Variants in DNAJC1 observed in about 807,000 individuals in gnomAD.
DNAJC1 encodes dnaJ homolog subfamily C member 1.
In DNAJC1, 58 loss-of-function variants were observed where a neutral mutation model predicts 76.6. The ratio of observed to expected loss-of-function variants is 0.76; its 90% CI spans 0.61 to 0.94. The LOEUF is 0.94. DNAJC1 is among the 40% of genes least tolerant of loss of function. The probability of loss-of-function intolerance (pLI) is 0.00; values close to 1 mark genes in which losing one functional copy is unlikely to be tolerated. For missense variants in DNAJC1, 689 were observed against 677.3 expected (o/e 1.02, Z -0.19); for synonymous variants, 258 against 267.9 (o/e 0.96, Z 0.36).
chr10:21,769,552 TAGA>T (rs762244556), intron 9 of DNAJC1, among the ~76,000 whole-genome samples: 1 of 152,254 alleles, frequency 6.6e-6, no homozygotes, highest in Non-Finnish European at 1.5e-5. Flanking sequence ...TTTCATTTTA[TAGA>T]AGAAGAAACA....
At chr10:21,957,382 T>C (rs1346754936) in intron 1 of DNAJC1, among the ~76,000 whole-genome samples, 1 of 152,220 alleles carries the variant, frequency 6.6e-6, no homozygotes, top group African/African-American at 2.4e-5. Context: ...TATTTGTTTT[T>C]ACTGCTGTAA....
rs374955734 is a variant in DNAJC1, at chr10:21,939,943, CA to C, written c.223-10803del. 5.1e-3 allele frequency among the ~76,000 whole-genome samples: 360 copies of C among 70,380 alleles called. 1 individual carries two copies. The highest frequency in any genetic ancestry group is 0.012 in the African/African-American group (206 of 16,834). The allele number at this position is 70,380 out of a possible 152,430, so 46.2% of individuals were successfully genotyped here. A position where few individuals can be genotyped will look rare whatever the true frequency, so the allele number is the denominator to read the frequency against. On this transcript the variant is annotated intron_variant, in intron 1 of 11. Coordinates refer to ENST00000376980, the MANE Select transcript of DNAJC1 (RefSeq NM_022365.4). ...TTCTCACCCCACCCCAAACCTCTCTCAAAAAAAAAAAAAAAAAAAAGCAGCA... is the reference window on the plus strand; with the variant it reads ...TTCTCACCCCACCCCAAACCTCTCTCAAAAAAAAAAAAAAAAAAAGCAGCA...
chr10:21,783,628 A>G (rs1340342146), intron 9 of DNAJC1, among the ~76,000 whole-genome samples: 1 of 152,248 alleles, frequency 6.6e-6, no homozygotes, highest in African/African-American at 2.4e-5. Flanking sequence ...AGCTGGAGGC[A>G]TCACACTACC....
At chr10:21,792,426 T>C (rs1267405868) in intron 9 of DNAJC1, among the ~76,000 whole-genome samples, 1 of 152,168 alleles carries the variant, frequency 6.6e-6, no homozygotes, top group African/African-American at 2.4e-5. Context: ...TATAGACCAT[T>C]CGCTCTCATG....
chr10:21,896,837 C>A (rs1836552212), intron 7 of DNAJC1, among the ~76,000 whole-genome samples: 1 of 151,976 alleles, frequency 6.6e-6, no homozygotes. Context: ...AGGAAAAGGC[C>A]ACTGGGAGGT....
chr10:21,897,435 A>C (rs1220864043), intron 7 of DNAJC1, among the ~76,000 whole-genome samples: 1 of 152,186 alleles, frequency 6.6e-6, no homozygotes, highest in African/African-American at 2.4e-5. Flanking sequence ...CTAGGAATAG[A>C]GGGAAACTTT....
chr10:21,804,028 G>A (rs1834851802), intron 9 of DNAJC1: 1 of 933,088 alleles, frequency 1.1e-6, no homozygotes, highest in South Asian at 4.9e-5. Flanking sequence ...ATTTGCAAAA[G>A]TTTAAAAAGA....
intron 8 of DNAJC1, among the ~76,000 whole-genome samples, chr10:21,839,643 T>C (rs1157672088): frequency 1.3e-5 from 2 of 152,058 alleles, no homozygotes; most frequent in Non-Finnish European, 1.5e-5. Flanking sequence ...CAGGACTAGA[T>C]GGATTCACAG....
At chr10:21,868,076 CA>C (rs775127374) in intron 8 of DNAJC1, among the ~76,000 whole-genome samples, 113 of 21,224 alleles carry the variant, frequency 5.3e-3, no homozygotes, top group Admixed American at 0.014. Context: ...ATTCTGTCTC[CA>C]AAAAAAAAAA....
Position 21,759,162 on chromosome 10 carries a change from T to A in DNAJC1, c.1596+8A>T. The A allele has an allele frequency of 6.2e-7, 1 of 1,609,196 alleles. No individual in the cohort carries two copies. Among genetic ancestry groups the A allele is most frequent in the Non-Finnish European group, 8.5e-7 (1 of 1,177,316 alleles). ...ACCTGTGCAGAGGCCTCTTTCCCCATCACTCACCTTGCTCTTGGACGGGAC... is the reference window on the plus strand; with the variant it reads ...ACCTGTGCAGAGGCCTCTTTCCCCAACACTCACCTTGCTCTTGGACGGGAC... On this transcript the variant is annotated splice_region_variant and intron_variant, in intron 11 of 11. Coordinates refer to ENST00000376980, the MANE Select transcript of DNAJC1 (RefSeq NM_022365.4).
At chr10:21,809,837 C>A (rs933108946) in intron 8 of DNAJC1, among the ~76,000 whole-genome samples, 1 of 151,996 alleles carries the variant, frequency 6.6e-6, no homozygotes, top group African/African-American at 2.4e-5. Flanking sequence ...AACTAAATAA[C>A]CTCAAATGTC....
intron 9 of DNAJC1, among the ~76,000 whole-genome samples, chr10:21,780,470 C>T (rs1394855858): frequency 1.3e-5 from 2 of 152,228 alleles, no homozygotes; most frequent in South Asian, 2.1e-4. Flanking sequence ...AATTTTCAAC[C>T]CAGAATTTCA....
chr10:21,903,607 T>C (rs181243993), intron 7 of DNAJC1, among the ~76,000 whole-genome samples: 8 of 152,260 alleles, frequency 5.3e-5, no homozygotes, highest in Admixed American at 5.2e-4. Flanking sequence ...TTACTGAACA[T>C]TTATTATGTG....
chr10:21,815,669 C>G (rs914400271), intron 8 of DNAJC1, among the ~76,000 whole-genome samples: 3 of 151,922 alleles, frequency 2.0e-5, no homozygotes, highest in Non-Finnish European at 4.4e-5. Context: ...ATCTATTTCT[C>G]TATTTTTTTA....
At chr10:21,872,708 A>T (rs558366784) in intron 8 of DNAJC1, among the ~76,000 whole-genome samples, 1 of 152,336 alleles carries the variant, frequency 6.6e-6, no homozygotes, top group African/African-American at 2.4e-5. Flanking sequence ...GAACAATGGA[A>T]GTGCCAGAAG....
In DNAJC1 at chr10:21,826,500, T is replaced by C. The variant is rs113291720; in HGVS notation, c.979-20401A>G. ...GTATCCTTTGATATACAAAAGTTTTTAATTTTGATGAAATCTAAGTTATCT... is the reference window on the plus strand; with the variant it reads ...GTATCCTTTGATATACAAAAGTTTTCAATTTTGATGAAATCTAAGTTATCT... On this transcript the variant is annotated intron_variant, in intron 8 of 11. Coordinates refer to ENST00000376980, the MANE Select transcript of DNAJC1 (RefSeq NM_022365.4). 1.1e-3 allele frequency among the ~76,000 whole-genome samples: 169 copies of C among 152,310 alleles called. 1 individual carries two copies. The highest frequency in any genetic ancestry group is 3.6e-3 in the African/African-American group (151 of 41,576).
At chr10:21,788,456 C>T (rs1468652956) in intron 9 of DNAJC1, among the ~76,000 whole-genome samples, 1 of 152,164 alleles carries the variant, frequency 6.6e-6, no homozygotes, top group Non-Finnish European at 1.5e-5. Context: ...CTCAGACACC[C>T]TACCCTACAG....
At chr10:21,973,556 C>A (rs988807886) in intron 1 of DNAJC1, among the ~76,000 whole-genome samples, 13 of 152,186 alleles carry the variant, frequency 8.5e-5, no homozygotes, top group Admixed American at 3.9e-4. Flanking sequence ...TGAAATGAAT[C>A]TAAATTGCTG....
intron 1 of DNAJC1, among the ~76,000 whole-genome samples, chr10:21,937,378 A>G (rs1837325944): frequency 1.3e-5 from 2 of 152,178 alleles, no homozygotes; most frequent in Admixed American, 6.5e-5. Flanking sequence ...GACAAAGGAC[A>G]TTATTTAACG....
Sources: gnomAD v4.1 joint callset for allele counts (sites outside exome capture counted in the v4.1 genomes callset) on GRCh38, gnomAD v4.1.1 for gene constraint, MANE v1.5 for transcripts, NCBI Gene and HGNC (gene_info 2026-07-23, HGNC 2026-07-21) for gene names.